The following GRIA2 variants were observed in gnomAD, a reference collection of about 807,000 sequenced individuals.
GRIA2 encodes glutamate receptor 2.
A neutral mutation model predicts 97.3 loss-of-function variants in GRIA2; 14 were observed. The observed-to-expected ratio is 0.14, with a 90% CI of 0.10 to 0.23. GRIA2 has a LOEUF of 0.23. GRIA2 is among the 10% of genes least tolerant of loss of function. GRIA2 has a pLI of 1.00. For missense variants in GRIA2, 558 were observed against 1,069.8 expected (o/e 0.52, Z 6.67); for synonymous variants, 412 against 387.8 (o/e 1.06, Z -0.73).
intron 2 of GRIA2, among the ~76,000 whole-genome samples, chr4:157,245,717 G>T (rs1387895464): frequency 1.3e-5 from 2 of 152,022 alleles, no homozygotes; most frequent in African/African-American, 4.8e-5. Flanking sequence ...GACCTCTCTT[G>T]ATAATCTTTA....
intron 2 of GRIA2, among the ~76,000 whole-genome samples, chr4:157,229,705 C>T (rs1412191151): frequency 6.6e-6 from 1 of 152,038 alleles, no homozygotes; most frequent in East Asian, 1.9e-4. Flanking sequence ...CAAATATAAA[C>T]ACAAACTGGG....
chr4:157,344,236 T>C (rs1263920990), intron 12 of GRIA2, among the ~76,000 whole-genome samples: 1 of 152,134 alleles, frequency 6.6e-6, no homozygotes, highest in Non-Finnish European at 1.5e-5. Flanking sequence ...TTGGCTGTAG[T>C]GTGGTTGAAT....
intron 9 of GRIA2, 39 bp from the exon 10 acceptor site, chr4:157,335,632 A>C (rs937279353): frequency 5.0e-6 from 6 of 1,201,576 alleles, no homozygotes; most frequent in African/African-American, 4.5e-5. Context: ...TAATTAACAC[A>C]GATATTTTAA....
In GRIA2 at chr4:157,279,630, A is replaced by G. The variant is rs548433448; in HGVS notation, c.230-23922A>G. Among the ~76,000 whole-genome samples, 5 of 152,240 alleles carry G rather than the reference A, an allele frequency of 3.3e-5. No individual in the cohort carries two copies. The South Asian group carries it at 8.3e-4, about 25-fold the overall frequency. ...GAGTGCCTCTATTTTTTCACTATTT[A>G]TACATAAGATAATTGAAATTTACCC... is the stretch of plus-strand genomic sequence containing the variant. On this transcript the variant is annotated intron_variant, in intron 2 of 15. Coordinates refer to ENST00000264426, the MANE Select transcript of GRIA2 (RefSeq NM_001083619.3).
intron 12 of GRIA2, among the ~76,000 whole-genome samples, chr4:157,350,023 G>T (rs1157667562): frequency 6.6e-6 from 1 of 152,008 alleles, no homozygotes; most frequent in African/African-American, 2.4e-5. Flanking sequence ...ATTCTTGAAT[G>T]TACCTTATGA....
intron 6 of GRIA2, among the ~76,000 whole-genome samples, chr4:157,330,334 A>G (rs1430621881): frequency 6.6e-6 from 1 of 151,974 alleles, no homozygotes; most frequent in African/African-American, 2.4e-5. Context: ...GAAAGTCGCC[A>G]TTCATGGGAA....
chr4:157,297,559 C>T (rs1560753135), intron 2 of GRIA2, among the ~76,000 whole-genome samples: 3 of 152,034 alleles, frequency 2.0e-5, no homozygotes, highest in African/African-American at 7.2e-5. Flanking sequence ...CTCAGACAGA[C>T]TAGTAGAGTA....
chr4:157,301,095 A>C (rs935378095), intron 2 of GRIA2, among the ~76,000 whole-genome samples: 1 of 152,322 alleles, frequency 6.6e-6, no homozygotes, highest in African/African-American at 2.4e-5. Context: ...CACACTTTGC[A>C]GGGAAATGGA....
chr4:157,229,431 C>T (rs751218503), intron 2 of GRIA2, among the ~76,000 whole-genome samples: 3 of 152,108 alleles, frequency 2.0e-5, no homozygotes, highest in Admixed American at 6.5e-5. Context: ...CAAAAAAGCA[C>T]AACAGAGTCT....
In GRIA2 at chr4:157,332,944, G is replaced by A. The variant is rs908973504; in HGVS notation, c.1008G>A (p.Val336=). ...GAGACTGTCTGGCAAACCCAGCAGT[G>A]CCCTGGGGACAAGGTGTAGAAATAG... ...NAGDCLANPA[V]PWGQGVEIER... Residue 336 remains valine (V), a synonymous_variant, in exon 7 of 16, where the codon GTG becomes GTA. Coordinates refer to ENST00000264426, the MANE Select transcript of GRIA2 (RefSeq NM_001083619.3). 3.1e-6 allele frequency: 5 copies of A among 1,611,998 alleles called. No homozygotes were observed. In the African/African-American group the frequency reaches 5.3e-5, roughly 17 times the overall value.
chr4:157,255,973 A>G (rs1028741627), intron 2 of GRIA2, among the ~76,000 whole-genome samples: 2 of 151,034 alleles, frequency 1.3e-5, no homozygotes, highest in Non-Finnish European at 3.0e-5. Flanking sequence ...TCGTACATGT[A>G]GTTTTATATA....
At chr4:157,329,093 A>C (rs553369282) in intron 6 of GRIA2, among the ~76,000 whole-genome samples, 2 of 151,978 alleles carry the variant, frequency 1.3e-5, no homozygotes, top group Non-Finnish European at 2.9e-5. Flanking sequence ...ATTTGAAATT[A>C]AGACAAGTGA....
At chr4:157,332,320 A>T (rs565606106) in intron 6 of GRIA2, among the ~76,000 whole-genome samples, 1 of 152,126 alleles carries the variant, frequency 6.6e-6, no homozygotes, top group South Asian at 2.1e-4. Flanking sequence ...GGGGAGCCTA[A>T]GTAGACACCC....
At chr4:157,354,620 T>C (rs913701239) in intron 12 of GRIA2, among the ~76,000 whole-genome samples, 3 of 152,172 alleles carry the variant, frequency 2.0e-5, no homozygotes, top group Non-Finnish European at 4.4e-5. Context: ...CATCAAAATG[T>C]GATGGCAGAT....
In GRIA2 at chr4:157,303,716, C is replaced by A; in HGVS notation, c.394C>A (p.Leu132Ile). 1 of 1,613,934 alleles carries A rather than the reference C, an allele frequency of 6.2e-7. No individual in the cohort carries two copies. The stretch of plus-strand genomic sequence containing the variant: ...ATTTGTCATTCAGATGAGACCCGAC[C>A]TCAAAGGAGCTCTCCTTAGCTTGAT... ...HPFVIQMRPD[L>I]KGALLSLIEY... is the part of the protein sequence containing the mutation. Residue 132 changes from leucine (L) to isoleucine (I), a missense_variant, in exon 3 of 16, where the codon CTC (leucine) becomes ATC (isoleucine). Leu to Ile is a conservative substitution (Grantham distance 5). Around this residue, in one of 8 missense-constraint regions of GRIA2, gnomAD observed 96 missense variants for 176.6 expected, o/e 0.54. Coordinates refer to ENST00000264426, the MANE Select transcript of GRIA2 (RefSeq NM_001083619.3).
chr4:157,362,709 T>C, intron 14 of GRIA2, 90 bp from the exon 15 acceptor site: 1 of 1,082,716 alleles, frequency 9.2e-7, no homozygotes, highest in East Asian at 2.4e-5. Flanking sequence ...GTGACTAGGT[T>C]GTTCCCGTGA....
chr4:157,299,616 G>A (rs752855775), intron 2 of GRIA2, among the ~76,000 whole-genome samples: 1 of 152,094 alleles, frequency 6.6e-6, no homozygotes, highest in Non-Finnish European at 1.5e-5. Context: ...TGACCTAAGA[G>A]AAAAAGATGT....
rs1272554155 is a variant in GRIA2 at position 157,227,489 on chromosome 4, A to T, written c.229+5682A>T. On this transcript the variant is annotated intron_variant, in intron 2 of 15. Coordinates refer to ENST00000264426, the MANE Select transcript of GRIA2 (RefSeq NM_001083619.3). ...TCCTCCTCTTCCCTTTTTATAAAAAAGTCAATAGAAGTACTTAATCTGCAG... is the reference window on the plus strand; with the variant it reads ...TCCTCCTCTTCCCTTTTTATAAAAATGTCAATAGAAGTACTTAATCTGCAG... 2.0e-5 allele frequency among the ~76,000 whole-genome samples: 3 copies of T among 152,190 alleles called. No individual in the cohort carries two copies. In the East Asian group the frequency reaches 5.8e-4, roughly 29 times the overall value.
intron 2 of GRIA2, among the ~76,000 whole-genome samples, chr4:157,224,023 A>G (rs1729632068): frequency 6.6e-6 from 1 of 152,206 alleles, no homozygotes; most frequent in Non-Finnish European, 1.5e-5. Flanking sequence ...ACACATATGT[A>G]AATTCATATA....
Sources: allele counts gnomAD v4.1 joint callset (sites outside exome capture counted in the v4.1 genomes callset), GRCh38; gene constraint gnomAD v4.1.1; regional missense constraint gnomAD v4.1.1; transcripts MANE v1.5; gene names NCBI Gene and HGNC (gene_info 2026-07-23, HGNC 2026-07-21).